The following RBL2 variants were observed in gnomAD, a reference collection of about 807,000 sequenced individuals.
RBL2 encodes RB transcriptional corepressor like 2.
In RBL2, 56 loss-of-function variants were observed where a neutral mutation model predicts 126.0. The ratio of observed to expected loss-of-function variants is 0.44; its 90% CI spans 0.36 to 0.56. The LOEUF (loss-of-function observed/expected upper bound fraction) is 0.56, where lower values mean the gene tolerates loss of function less well. Ranked by LOEUF, RBL2 falls within the 20% of genes least tolerant of loss-of-function variation. RBL2 has a pLI of 0.00. For missense variants in RBL2, 1,229 were observed against 1,398.2 expected, an observed-to-expected ratio of 0.88 and a Z score of 1.93; for synonymous variants, 454 against 478.5, an observed-to-expected ratio of 0.95 and a Z score of 0.67.
chr16:53,434,870 C>G, intron 1 of RBL2, 74 bp downstream of exon 1: 1 of 1,401,200 alleles, frequency 7.1e-7, no homozygotes, highest in Non-Finnish European at 9.3e-7. Flanking sequence ...CGTCGCGCGC[C>G]TCGAGAGACT....
At chr16:53,489,405 A>G (rs1321989405) in intron 21 of RBL2, 2 of 152,236 alleles carry the variant, frequency 1.3e-5, no homozygotes, top group East Asian at 1.9e-4. Flanking sequence ...AGCACATGAA[A>G]AAGAATTTTA....
At chr16:53,442,937 C>A in intron 3 of RBL2, 79 bp downstream of exon 3, 1 of 1,058,814 alleles carries the variant, frequency 9.4e-7, no homozygotes, top group Non-Finnish European at 1.3e-6. Flanking sequence ...TTTTTTTTTT[C>A]TGGTTTTAAA....
intron 13 of RBL2, 45 bp from the exon 14 acceptor site, chr16:53,467,013 G>T (rs762333319): frequency 5.4e-5 from 75 of 1,379,216 alleles, no homozygotes; most frequent in Non-Finnish European, 7.0e-5. Flanking sequence ...TGTAATTAAA[G>T]TGCTTTTTTG....
At chr16:53,465,357 T>C (rs1315071863) in intron 12 of RBL2, 81 bp from the exon 13 acceptor site, 1 of 972,346 alleles carries the variant, frequency 1.0e-6, no homozygotes, top group African/African-American at 1.7e-5. Flanking sequence ...TACTTCAACT[T>C]GTAATTTTGA....
At position 53,490,324 on chromosome 16, in the gene RBL2, T is replaced by C. The variant is rs200085776; in HGVS notation, c.*24T>C. 1,123 of 1,538,520 alleles carry C rather than the reference T, an allele frequency of 7.3e-4. 5 individuals carry two copies. The highest frequency in any genetic ancestry group is 2.0e-3 in the South Asian group (156 of 79,650). On this transcript the variant is annotated 3_prime_UTR_variant, in exon 22 of 22. Transcript: ENST00000262133. The stretch of plus-strand genomic sequence containing the variant: ...GAGGTTAGTCTCTTGTATTAAACTC[T>C]TCACAAAATCTGTTTAGCAGCAGCC...
At chr16:53,464,415 C>T (rs2058252288) in intron 12 of RBL2, 52 bp downstream of exon 12, 2 of 1,408,810 alleles carry the variant, frequency 1.4e-6, no homozygotes, top group Admixed American at 4.5e-5. Context: ...AGACCAACTT[C>T]CTGTTGTTAG....
intron 12 of RBL2, 133 bp downstream of exon 12, chr16:53,464,496 G>A: frequency 1.4e-6 from 1 of 716,550 alleles, no homozygotes; most frequent in Non-Finnish European, 2.1e-6. Flanking sequence ...TCTATTTGTG[G>A]AGTAGAAAAG....
intron 2 of RBL2, among the ~76,000 whole-genome samples, chr16:53,439,364 A>G (rs1399075268): frequency 1.3e-5 from 2 of 152,176 alleles, no homozygotes; most frequent in African/African-American, 2.4e-5. Context: ...TTAAATTTTA[A>G]TGTTTTAGGC....
intron 4 of RBL2, among the ~76,000 whole-genome samples, chr16:53,447,714 G>A (rs1258114242): frequency 6.6e-6 from 1 of 151,466 alleles, no homozygotes; most frequent in Non-Finnish European, 1.5e-5. Context: ...GCACAATCTC[G>A]GCTCACTGCA....
intron 4 of RBL2, chr16:53,449,204 G>A (rs1598095472): frequency 6.6e-6 from 1 of 152,062 alleles, no homozygotes; most frequent in East Asian, 1.9e-4. Flanking sequence ...ATTGTATTGG[G>A]CAAGTATGTC....
At chr16:53,457,411 C>G (rs564807586) in intron 8 of RBL2, among the ~76,000 whole-genome samples, 1 of 151,844 alleles carries the variant, frequency 6.6e-6, no homozygotes, top group Non-Finnish European at 1.5e-5. Flanking sequence ...AGGTGCCTGC[C>G]ACCATGCCCA....
At chr16:53,463,819 G>A (rs918340988) in intron 11 of RBL2, among the ~76,000 whole-genome samples, 5 of 151,906 alleles carry the variant, frequency 3.3e-5, no homozygotes, top group Non-Finnish European at 7.4e-5. Flanking sequence ...TGCCCACCTT[G>A]GCCTCCCAAA....
intron 4 of RBL2, among the ~76,000 whole-genome samples, chr16:53,447,621 A>AT (rs1388530267): frequency 6.6e-6 from 1 of 151,480 alleles, no homozygotes. Context: ...TGTCTCTATT[A>AT]TTTTTTGTCC....
chr16:53,468,926 T>C (rs777496530), intron 14 of RBL2, among the ~76,000 whole-genome samples: 3 of 152,154 alleles, frequency 2.0e-5, no homozygotes, highest in Non-Finnish European at 4.4e-5. Context: ...GGTTGAATGG[T>C]AAATTTTATG....
intron 17 of RBL2, among the ~76,000 whole-genome samples, chr16:53,474,776 CTTG>C (rs1231862005): frequency 2.0e-5 from 3 of 152,130 alleles, no homozygotes; most frequent in Admixed American, 1.3e-4. Context: ...CTGTAGTTTT[CTTG>C]TTGTGGCTTT....
chr16:53,481,804 T>C lies in RBL2; in HGVS notation c.3218T>C (p.Ile1073Thr). 6.3e-7 allele frequency: 1 copy of C among 1,591,620 alleles called. No individual in the cohort carries two copies. Among genetic ancestry groups the C allele is most frequent in the Non-Finnish European group, 8.6e-7 (1 of 1,159,606 alleles). ...ACAATGCTTTCTCCTCGAGAAAAGATTTTCTATTACTTCAGCAACAGTCCT... is the reference window on the plus strand; with the variant it reads ...ACAATGCTTTCTCCTCGAGAAAAGACTTTCTATTACTTCAGCAACAGTCCT... Reference protein sequence around the residue: ...NETMLSPREKIFYYFSNSPSK... With the variant: ...NETMLSPREKTFYYFSNSPSK... Residue 1073 changes from isoleucine (I) to threonine (T), a missense_variant, in exon 21 of 22, where the codon ATT (isoleucine) becomes ACT (threonine). Ile to Thr is a moderately conservative substitution (Grantham distance 89, BLOSUM62 -1). Around this residue, in one of 2 missense-constraint regions of RBL2, gnomAD observed 1,070 missense variants for 1,274.3 expected, o/e 0.84. Coordinates refer to ENST00000262133, the MANE Select transcript of RBL2 (RefSeq NM_005611.4).
At position 53,481,830 on chromosome 16, in the gene RBL2, T is replaced by TC; in HGVS notation, c.3245dup (p.Arg1084GlufsTer6). The stretch of plus-strand genomic sequence containing the variant: ...TTTCTATTACTTCAGCAACAGTCCT[T>TC]CAAAGGTGAGCCTAACATCAATCTT... On this transcript the variant is annotated frameshift_variant, in exon 21 of 22. Transcript: ENST00000262133. LOFTEE classifies it high-confidence loss of function. 6.3e-7 allele frequency: 1 copy of TC among 1,577,886 alleles called. No homozygotes were observed. The highest frequency in any genetic ancestry group is 8.7e-7 in the Non-Finnish European group (1 of 1,147,168).
At chr16:53,470,349 A>C (rs541106817) in intron 15 of RBL2, 34 bp from the exon 16 acceptor site, 1 of 1,602,068 alleles carries the variant, frequency 6.2e-7, no homozygotes, top group Non-Finnish European at 8.5e-7. Flanking sequence ...CTTATTATCA[A>C]CATTTTCTTC....
chr16:53,455,133 A>G (rs1033046531), intron 8 of RBL2, among the ~76,000 whole-genome samples: 9 of 152,256 alleles, frequency 5.9e-5, no homozygotes. Flanking sequence ...ATATGGTCTT[A>G]TATGTAGTGA....
Sources: allele counts gnomAD v4.1 joint callset (sites outside exome capture counted in the v4.1 genomes callset), GRCh38; gene constraint gnomAD v4.1.1; regional missense constraint gnomAD v4.1.1; transcripts MANE v1.5; gene names NCBI Gene and HGNC (gene_info 2026-07-23, HGNC 2026-07-21).